The following SLIT3 variants were observed in gnomAD, a reference collection of about 807,000 sequenced individuals.
The protein encoded by SLIT3 is slit guidance ligand 3, also known as slit homolog 3 protein.
In SLIT3, 68 loss-of-function variants were observed where a neutral mutation model predicts 184.0. The observed-to-expected ratio is 0.37, with a 90% CI of 0.30 to 0.45. The LOEUF is 0.45. Among genes scored for constraint, SLIT3 ranks in the 20% least tolerant of loss-of-function variants. The pLI, the probability that SLIT3 is intolerant of heterozygous loss-of-function variation, is 1.00. For synonymous variants in SLIT3, 831 were observed against 828.6 expected, an observed-to-expected ratio of 1.00 and a Z score of -0.05; for missense variants, 1,707 against 2,026.0, an observed-to-expected ratio of 0.84 and a Z score of 3.02.
chr5:169,183,062 T>C (rs1763220364), intron 4 of SLIT3, among the ~76,000 whole-genome samples: 1 of 152,150 alleles, frequency 6.6e-6, no homozygotes, highest in African/African-American at 2.4e-5. Flanking sequence ...AGCCCACACT[T>C]ATACCCTCCG....
intron 1 of SLIT3, among the ~76,000 whole-genome samples, chr5:169,270,659 T>A (rs1581124334): frequency 6.6e-6 from 1 of 152,142 alleles, no homozygotes; most frequent in East Asian, 1.9e-4. Context: ...TAGGCGCTTA[T>A]ATAGTCTAGG....
chr5:169,151,777 C>A lies in SLIT3; in HGVS notation c.413+41702G>T, dbSNP rs1762125848. On this transcript the variant is annotated intron_variant, in intron 4 of 35. Transcript: ENST00000519560. Reference sequence around the variant, plus strand: ...GCCTTCCTCATCGAGTAAGTGGGCACATCCCTCAGTGGTCAGGAAAAGATA... The same window carrying A: ...GCCTTCCTCATCGAGTAAGTGGGCAAATCCCTCAGTGGTCAGGAAAAGATA... 1.3e-5 allele frequency among the ~76,000 whole-genome samples: 2 copies of A among 152,184 alleles called. 1 individual carries two copies. Among genetic ancestry groups the A allele is most frequent in the South Asian group, 4.1e-4 (2 of 4,834 alleles).
chr5:169,043,772 C>A (rs1757528863), intron 4 of SLIT3, among the ~76,000 whole-genome samples: 1 of 152,170 alleles, frequency 6.6e-6, no homozygotes, highest in African/African-American at 2.4e-5. Flanking sequence ...GTTGTCTGGG[C>A]AAGAAGAGTG....
intron 3 of SLIT3, among the ~76,000 whole-genome samples, chr5:169,207,145 G>A (rs369859569): frequency 7.9e-5 from 12 of 151,210 alleles, no homozygotes; most frequent in Non-Finnish European, 1.3e-4. Flanking sequence ...AAGAGCCCCC[G>A]CTCACCTCGC....
At chr5:168,923,845 T>C (rs1402283388) in intron 4 of SLIT3, among the ~76,000 whole-genome samples, 3 of 152,328 alleles carry the variant, frequency 2.0e-5, no homozygotes, top group East Asian at 3.9e-4. Flanking sequence ...TCAGTGTCCT[T>C]AGACTAAGCC....
At chr5:168,789,991 A>C (rs1756305352) in intron 10 of SLIT3, 1 of 195,082 alleles carries the variant, frequency 5.1e-6, no homozygotes, top group African/African-American at 2.3e-5. Context: ...CACAGATGAA[A>C]CAGGAACCGG....
intron 4 of SLIT3, among the ~76,000 whole-genome samples, chr5:169,122,842 T>C (rs1561679840): frequency 6.6e-6 from 1 of 152,130 alleles, no homozygotes; most frequent in South Asian, 2.1e-4. Context: ...AGGCACATAA[T>C]AGGATAGTAG....
At chr5:168,904,657 G>A (rs917909745) in intron 4 of SLIT3, among the ~76,000 whole-genome samples, 17 of 152,074 alleles carry the variant, frequency 1.1e-4, no homozygotes, top group South Asian at 2.1e-4. Context: ...CAAGAATGAC[G>A]TCAGGAAGGT....
chr5:168,695,825 G>A (rs904134487), intron 28 of SLIT3, among the ~76,000 whole-genome samples: 20 of 152,078 alleles, frequency 1.3e-4, no homozygotes, highest in Non-Finnish European at 2.4e-4. Flanking sequence ...ATGAATCCAC[G>A]CCTCTGTCCA....
chr5:169,055,762 C>T (rs62379526), intron 4 of SLIT3, among the ~76,000 whole-genome samples: 5,068 of 149,996 alleles, frequency 0.034, 125 homozygotes, highest in Middle Eastern at 0.069. Flanking sequence ...ACCCGGGAGG[C>T]GGTGGTTGCA....
In SLIT3 at chr5:168,844,503, C is replaced by CCTCTCT. The variant is rs1303765763; in HGVS notation, c.557+75_557+80dup. On this transcript the variant is annotated intron_variant, in intron 6 of 35. Coordinates refer to ENST00000519560, the MANE Select transcript of SLIT3 (RefSeq NM_003062.4). Reference sequence around the variant, plus strand: ...CAGACCCTCCTGCACACACTCTCCCCCTCTCTCCTCCCCACACAGACACAC... The same window carrying CCTCTCT: ...CAGACCCTCCTGCACACACTCTCCCCCTCTCTCTCTCTCCTCCCCACACAGACACAC... The CCTCTCT allele has an allele frequency of 3.5e-5, 45 of 1,294,790 alleles. 1 individual carries two copies. In the South Asian group the frequency reaches 5.5e-4, roughly 16 times the overall value. 80.2% of individuals were successfully genotyped at this position (1,294,790 alleles called of 1,614,324 possible).
chr5:169,108,114 A>G (rs1411785044), intron 4 of SLIT3, among the ~76,000 whole-genome samples: 1 of 152,218 alleles, frequency 6.6e-6, no homozygotes, highest in Non-Finnish European at 1.5e-5. Flanking sequence ...AAGGCATCTG[A>G]TACAGGTTTA....
At chr5:169,253,385 T>C (rs1305135546) in intron 1 of SLIT3, among the ~76,000 whole-genome samples, 6 of 152,204 alleles carry the variant, frequency 3.9e-5, no homozygotes, top group African/African-American at 9.6e-5. Context: ...GCTGAAATGC[T>C]AAGGATGTGG....
At chr5:168,995,109 C>G (rs1240267778) in intron 4 of SLIT3, among the ~76,000 whole-genome samples, 2 of 152,154 alleles carry the variant, frequency 1.3e-5, no homozygotes, top group Non-Finnish European at 2.9e-5. Context: ...GGGCTCATAC[C>G]AGGTGATCTT....
intron 24 of SLIT3, among the ~76,000 whole-genome samples, chr5:168,711,628 ATAAT>A (rs907323587): frequency 6.6e-6 from 1 of 152,188 alleles, no homozygotes; most frequent in Non-Finnish European, 1.5e-5. Context: ...CATTATGAAA[ATAAT>A]TAAATATGCA....
intron 8 of SLIT3, among the ~76,000 whole-genome samples, chr5:168,807,134 C>T (rs1001055201): frequency 1.3e-5 from 2 of 152,126 alleles, no homozygotes; most frequent in Non-Finnish European, 2.9e-5. Context: ...AGGGAACATG[C>T]AAATAAAAGC....
rs112887746 is a variant in SLIT3 at position 169,171,745 on chromosome 5, C to T, written c.413+21734G>A. ...GTTGCTGAACATTTGCAGACATCTA[C>T]CTCGGAGGACTCAGCTGGGAAAAAT... On this transcript the variant is annotated intron_variant, in intron 4 of 35. Coordinates refer to ENST00000519560, the MANE Select transcript of SLIT3 (RefSeq NM_003062.4). Among the ~76,000 whole-genome samples the T allele has an allele frequency of 8.6e-3, 1,311 of 152,310 alleles. 18 individuals are homozygous for T. The highest frequency in any genetic ancestry group is 0.027 in the African/African-American group (1,133 of 41,566).
chr5:169,137,333 C>CAGAG (rs1324720274), intron 4 of SLIT3, among the ~76,000 whole-genome samples: 59 of 129,452 alleles, frequency 4.6e-4, no homozygotes, highest in Middle Eastern at 7.8e-3. Flanking sequence ...CACACACACA[C>CAGAG]ACAGAGAGAG....
chr5:169,114,323 G>C (rs146201572), intron 4 of SLIT3, among the ~76,000 whole-genome samples: 6 of 152,316 alleles, frequency 3.9e-5, no homozygotes, highest in South Asian at 2.1e-4. Flanking sequence ...GAAAGTGCTC[G>C]TATTATCACC....
Sources: gnomAD v4.1 joint callset for allele counts (sites outside exome capture counted in the v4.1 genomes callset) on GRCh38, gnomAD v4.1.1 for gene constraint, MANE v1.5 for transcripts, NCBI Gene and HGNC (gene_info 2026-07-23, HGNC 2026-07-21) for gene names.